Variants in OTOF observed in about 807,000 individuals in gnomAD.
OTOF encodes otoferlin.
A neutral mutation model predicts 236.8 loss-of-function variants in OTOF; 218 were observed. The observed-to-expected ratio is 0.92, with a 90% CI of 0.82 to 1.03. OTOF has a LOEUF of 1.03. Among genes scored for constraint, OTOF ranks in the 50% least tolerant of loss-of-function variants. The pLI, the probability that OTOF is intolerant of heterozygous loss-of-function variation, is 0.00. For missense variants in OTOF, 2,590 were observed against 2,694.4 expected (o/e 0.96, Z 0.86); for synonymous variants, 1,041 against 1,072.5 (o/e 0.97, Z 0.57).
At chr2:26,495,875 G>T (rs1261782923) in intron 8 of OTOF, among the ~76,000 whole-genome samples, 1 of 152,208 alleles carries the variant, frequency 6.6e-6, no homozygotes, top group Non-Finnish European at 1.5e-5. Context: ...TCATTAACTT[G>T]CATTTAATTT....
At chr2:26,555,119 T>C (rs1482415962) in intron 1 of OTOF, among the ~76,000 whole-genome samples, 3 of 152,230 alleles carry the variant, frequency 2.0e-5, no homozygotes, top group Non-Finnish European at 4.4e-5. Context: ...TGTAGGGAAC[T>C]ATCTCAGGAG....
intron 11 of OTOF, among the ~76,000 whole-genome samples, chr2:26,484,957 T>C (rs1268544392): frequency 1.3e-5 from 2 of 152,164 alleles, no homozygotes; most frequent in African/African-American, 4.8e-5. Context: ...AGCCTTCACA[T>C]AGCTGTGAAG....
chr2:26,555,392 C>T (rs1667560562), intron 1 of OTOF, among the ~76,000 whole-genome samples: 1 of 152,208 alleles, frequency 6.6e-6, no homozygotes, highest in African/African-American at 2.4e-5. Flanking sequence ...CCAGGCTGGC[C>T]CCTTCACCTC....
At chr2:26,472,374 ACAATCAAGCT>A (rs1440788108) in intron 30 of OTOF, 135 bp downstream of exon 30, 1 of 995,738 alleles carries the variant, frequency 1.0e-6, no homozygotes, top group Non-Finnish European at 1.6e-6. Context: ...GTTTGGACAC[ACAATCAAGCT>A]CAGCCCCCGA....
In OTOF at chr2:26,519,089, A is replaced by C; in HGVS notation, c.248T>G (p.Met83Arg). The C allele has an allele frequency of 6.2e-7, 1 of 1,604,110 alleles. No individual in the cohort carries two copies. Among genetic ancestry groups the C allele is most frequent in the Non-Finnish European group, 8.5e-7 (1 of 1,173,484 alleles). The change falls in exon 4 of 47, where the codon ATG (methionine) becomes AGG (arginine). Residue 83 changes from methionine (M) to arginine (R), a missense_variant. Physicochemically the swap from Met to Arg is moderately conservative, Grantham distance 91. Transcript: ENST00000272371. The part of the protein sequence containing the change: ...FSNKLIGTFR[M>R]VLQKVVEESH... ...CTCCTCTACCACCTTCTGCAGCACC[A>C]TGCGGAAGGTCCCGATGAGCCTGGG...
intron 4 of OTOF, among the ~76,000 whole-genome samples, chr2:26,517,067 G>C (rs929973279): frequency 6.6e-6 from 1 of 152,178 alleles, no homozygotes; most frequent in Non-Finnish European, 1.5e-5. Context: ...AGTGGCCTCC[G>C]GGAGAGGAGC....
Position 26,473,522 on chromosome 2 carries a change from G to T in OTOF, c.3454C>A (p.Gln1152Lys), listed in dbSNP as rs1161947728. The stretch of plus-strand genomic sequence containing the variant: ...ATGTCCACCCGTGGCCGGTCCACCT[G>T]GGCCAGGTTCACCCGCTTTAGGTCC... Reference protein sequence around the residue: ...LRDLKRVNLAQVDRPRVDIEC... With the variant: ...LRDLKRVNLAKVDRPRVDIEC... Residue 1152 changes from glutamine to lysine, a missense_variant, in exon 28 of 47, where the codon CAG becomes AAG. This residue lies in a region of OTOF where 1,211 missense variants were observed against 1,352.8 expected (regional missense o/e 0.90). Coordinates refer to ENST00000272371, the MANE Select transcript of OTOF (RefSeq NM_194248.3). This position sits in a 1 kb window ranked among gnomAD's most constrained non-coding sequence, Gnocchi z 7.2. 2 of 1,612,370 alleles carry T rather than the reference G, an allele frequency of 1.2e-6. No individual in the cohort carries two copies. Among genetic ancestry groups the T allele is most frequent in the Non-Finnish European group, 1.7e-6 (2 of 1,179,876 alleles).
intron 38 of OTOF, among the ~76,000 whole-genome samples, chr2:26,465,263 T>A (rs1664672216): frequency 6.6e-6 from 1 of 152,048 alleles, no homozygotes; most frequent in African/African-American, 2.4e-5. Context: ...CCCCACTGCA[T>A]CCCCTCACTG....
chr2:26,484,899 T>C (rs1474863298), intron 11 of OTOF, among the ~76,000 whole-genome samples: 1 of 152,052 alleles, frequency 6.6e-6, no homozygotes, highest in Admixed American at 6.5e-5. Context: ...TCCTCCTAAT[T>C]GGGTTTTTCT....
rs760636841 is a variant in OTOF at position 26,466,069 on chromosome 2, T to A, written c.4508A>T (p.Asp1503Val). The change falls in exon 37 of 47, where the codon GAC (aspartate) becomes GTC (valine). Residue 1503 changes from aspartate to valine, a missense_variant. This residue lies in a region of OTOF where 1,211 missense variants were observed against 1,352.8 expected (regional missense o/e 0.90). Transcript: ENST00000272371. ...GCCGTTGATGTCAGCAGGGTGCAGG[T>A]CCGTGGCCTGGAATGGGGAGAAGGG... ...LVRVYVVRATDLHPADINGKA... is the reference protein window; with the variant it reads ...LVRVYVVRATVLHPADINGKA... 6.2e-7 allele frequency: 1 copy of A among 1,614,036 alleles called. No homozygotes were observed. Among genetic ancestry groups the A allele is most frequent in the African/African-American group, 1.3e-5 (1 of 74,920 alleles).
At chr2:26,474,751 C>G (rs984293720) in intron 25 of OTOF, 77 bp from the exon 26 acceptor site, 2 of 1,525,406 alleles carry the variant, frequency 1.3e-6, no homozygotes, top group Non-Finnish European at 1.8e-6. Context: ...CTTACCACAG[C>G]GCCATGAGTT....
intron 11 of OTOF, among the ~76,000 whole-genome samples, chr2:26,487,677 C>G (rs575895880): frequency 1.3e-5 from 2 of 152,270 alleles, no homozygotes; most frequent in South Asian, 4.1e-4. Context: ...TCTCCACCCC[C>G]TGACTTTCTC....
At chr2:26,535,804 G>C (rs1667055707) in intron 2 of OTOF, among the ~76,000 whole-genome samples, 1 of 152,222 alleles carries the variant, frequency 6.6e-6, no homozygotes, top group South Asian at 2.1e-4. Context: ...AGGGCCAGCA[G>C]AGACAGACTC....
chr2:26,466,610 T>G, intron 36 of OTOF, 104 bp downstream of exon 36: 1 of 1,393,692 alleles, frequency 7.2e-7, no homozygotes, highest in Non-Finnish European at 1.0e-6. Context: ...GTGCTGGGAT[T>G]ACAGGCGTAA....
At chr2:26,466,447 C>T (rs1028333022) in intron 36 of OTOF, 10 of 519,806 alleles carry the variant, frequency 1.9e-5, no homozygotes, top group African/African-American at 3.8e-5. Context: ...AGCGATTTTC[C>T]TGCCTCAGCC....
chr2:26,539,174 G>A (rs1225901101), intron 1 of OTOF, among the ~76,000 whole-genome samples: 1 of 152,090 alleles, frequency 6.6e-6, no homozygotes, highest in African/African-American at 2.4e-5. Flanking sequence ...AACAGTAATG[G>A]TACAGAGAAG....
At chr2:26,489,772 C>G (rs1463673370) in intron 9 of OTOF, 32 bp from the exon 10 acceptor site, 1 of 1,555,658 alleles carries the variant, frequency 6.4e-7, no homozygotes, top group Non-Finnish European at 8.9e-7. Context: ...CCTGCTGTCA[C>G]TGAGGGCAGC....
chr2:26,525,305 G>C (rs1000395443), intron 3 of OTOF, among the ~76,000 whole-genome samples: 3 of 152,150 alleles, frequency 2.0e-5, no homozygotes, highest in Admixed American at 6.5e-5. Flanking sequence ...AGACTCCTTG[G>C]AGCCCATATG....
chr2:26,553,695 C>T (rs1172746395), intron 1 of OTOF, among the ~76,000 whole-genome samples: 3 of 152,138 alleles, frequency 2.0e-5, no homozygotes, highest in African/African-American at 7.2e-5. Flanking sequence ...AAATACCGCC[C>T]ATTTCCCCTG....
Sources: allele counts gnomAD v4.1 joint callset (sites outside exome capture counted in the v4.1 genomes callset), GRCh38; gene constraint gnomAD v4.1.1; regional missense constraint gnomAD v4.1.1; non-coding constraint Gnocchi (gnomAD v3.1); transcripts MANE v1.5; gene names NCBI Gene and HGNC (gene_info 2026-07-23, HGNC 2026-07-21).